Variants in TMEM132D observed in about 807,000 individuals in gnomAD.
TMEM132D encodes mature OL transmembrane protein.
TMEM132D carries 21 observed loss-of-function variants against 62.3 expected under a neutral mutation model. The ratio of observed to expected loss-of-function variants is 0.34; its 90% confidence interval spans 0.24 to 0.49. The LOEUF (loss-of-function observed/expected upper bound fraction) is 0.49. Ranked by LOEUF, TMEM132D falls within the 20% of genes least tolerant of loss-of-function variation. The pLI, the probability that TMEM132D is intolerant of heterozygous loss-of-function variation, is 0.99. For synonymous variants in TMEM132D, 621 were observed against 575.6 expected, an observed-to-expected ratio of 1.08 and a Z score of -1.13; for missense variants, 1,346 against 1,402.8, an observed-to-expected ratio of 0.96 and a Z score of 0.65.
chr12:129,343,324 G>C (rs1376956556), intron 3 of TMEM132D, among the ~76,000 whole-genome samples: 1 of 151,684 alleles, frequency 6.6e-6, no homozygotes, highest in Non-Finnish European at 1.5e-5. Context: ...ACTATCACAA[G>C]GACAGAAAAA....
chr12:129,305,575 T>TA lies in TMEM132D; in HGVS notation c.1299+32058dup, dbSNP rs1330197694. Among the ~76,000 whole-genome samples, 4 of 152,252 alleles carry TA rather than the reference T, an allele frequency of 2.6e-5. No individual in the cohort carries two copies. In the East Asian group the frequency reaches 7.7e-4, roughly 29 times the overall value. On this transcript the variant is annotated intron_variant, in intron 4 of 8. Transcript: ENST00000422113. The stretch of plus-strand genomic sequence containing the variant: ...AAGCCATCCAAATGTATGGTATACT[T>TA]AAAAAAATATATGCCCAGCAACAAA...
intron 3 of TMEM132D, among the ~76,000 whole-genome samples, chr12:129,398,834 TCATC>T (rs138005852): frequency 0.039 from 2,803 of 71,288 alleles, 37 homozygotes; most frequent in Middle Eastern, 0.09. Flanking sequence ...ATTTATGTAT[TCATC>T]CATCCATCCA....
chr12:129,296,529 T>C lies in TMEM132D; in HGVS notation c.1299+41105A>G, dbSNP rs1015391669. 5.1e-4 allele frequency among the ~76,000 whole-genome samples: 78 copies of C among 152,226 alleles called. 1 individual carries two copies. Among genetic ancestry groups the C allele is most frequent in the African/African-American group, 1.7e-3 (72 of 41,468 alleles). ...GATCAGCAGACAAGTGTCGGCAGCT[T>C]CTGAACCCTATTCCTGTTTCTTTCC... On this transcript the variant is annotated intron_variant, in intron 4 of 8. Transcript: ENST00000422113.
chr12:129,124,285 C>T (rs1190778015), intron 5 of TMEM132D, among the ~76,000 whole-genome samples: 1 of 152,156 alleles, frequency 6.6e-6, no homozygotes, highest in Non-Finnish European at 1.5e-5. Flanking sequence ...TCCAGGACCC[C>T]CAAGACTCAC....
chr12:129,774,718 A>C (rs1476328743), intron 1 of TMEM132D, among the ~76,000 whole-genome samples: 3 of 152,242 alleles, frequency 2.0e-5, no homozygotes, highest in African/African-American at 7.2e-5. Flanking sequence ...CACAGCTATG[A>C]GGCAGAATGC....
chr12:129,187,924 T>G (rs1255960403), intron 5 of TMEM132D, among the ~76,000 whole-genome samples: 1 of 152,252 alleles, frequency 6.6e-6, no homozygotes, highest in Admixed American at 6.5e-5. Flanking sequence ...ATATGTTTCT[T>G]TACACCAACT....
At chr12:129,121,782 A>G (rs906479608) in intron 5 of TMEM132D, among the ~76,000 whole-genome samples, 3 of 152,240 alleles carry the variant, frequency 2.0e-5, no homozygotes, top group African/African-American at 7.2e-5. Flanking sequence ...GTAAGCATCC[A>G]GGACACATTT....
chr12:129,422,745 G>T (rs1872365556), intron 3 of TMEM132D, among the ~76,000 whole-genome samples: 1 of 152,066 alleles, frequency 6.6e-6, no homozygotes, highest in South Asian at 2.1e-4. Context: ...TATTTATACT[G>T]ATAAAAATAT....
chr12:129,233,774 C>T (rs780758922), intron 4 of TMEM132D, among the ~76,000 whole-genome samples: 1 of 151,984 alleles, frequency 6.6e-6, no homozygotes, highest in Non-Finnish European at 1.5e-5. Flanking sequence ...CTACAGGCAC[C>T]TGCCACCACG....
chr12:129,186,487 A>G (rs1878226119), intron 5 of TMEM132D, among the ~76,000 whole-genome samples: 1 of 152,110 alleles, frequency 6.6e-6, no homozygotes, highest in Non-Finnish European at 1.5e-5. Flanking sequence ...CCTCTATACC[A>G]TTCTCCAGTT....
At chr12:129,663,946 G>GAA (rs5801874) in intron 2 of TMEM132D, among the ~76,000 whole-genome samples, 4 of 151,414 alleles carry the variant, frequency 2.6e-5, no homozygotes, top group Non-Finnish European at 4.4e-5. Flanking sequence ...CTCAAATTAG[G>GAA]AAAAACAAAA....
intron 4 of TMEM132D, among the ~76,000 whole-genome samples, chr12:129,329,662 C>T (rs1190784290): frequency 6.6e-6 from 1 of 152,166 alleles, no homozygotes; most frequent in Non-Finnish European, 1.5e-5. Flanking sequence ...CATCTCCTCG[C>T]AAATCCATGT....
chr12:129,464,785 T>C (rs1041413138), intron 3 of TMEM132D, among the ~76,000 whole-genome samples: 21 of 152,190 alleles, frequency 1.4e-4, no homozygotes, highest in African/African-American at 5.1e-4. Context: ...TAGTTGTAGA[T>C]ATGCGGCGTT....
chr12:129,212,430 T>A (rs1266193621), intron 4 of TMEM132D: 3 of 151,616 alleles, frequency 2.0e-5, no homozygotes, highest in Non-Finnish European at 4.4e-5. Flanking sequence ...AGGAGGTGAA[T>A]GGTACGGGGA....
chr12:129,084,102 G>C (rs1874536544), intron 6 of TMEM132D, among the ~76,000 whole-genome samples: 1 of 152,058 alleles, frequency 6.6e-6, no homozygotes, highest in Non-Finnish European at 1.5e-5. Context: ...CATTCGTTCA[G>C]CCTTGGTGCA....
intron 2 of TMEM132D, among the ~76,000 whole-genome samples, chr12:129,578,180 T>C (rs2137124330): frequency 6.6e-6 from 1 of 152,244 alleles, no homozygotes; most frequent in Non-Finnish European, 1.5e-5. Flanking sequence ...TCCTCGAGCC[T>C]TCGGTCTCAG....
At chr12:129,538,158 C>G (rs2170820) in intron 2 of TMEM132D, among the ~76,000 whole-genome samples, 101,183 of 152,146 alleles carry the variant, frequency 0.67, 34,179 homozygotes, top group East Asian at 0.93. Context: ...ATGAATGCCT[C>G]AATCAATGGA....
chr12:129,877,628 C>CAGAGAGAG (rs71085585), intron 1 of TMEM132D, among the ~76,000 whole-genome samples: 43 of 146,960 alleles, frequency 2.9e-4, no homozygotes, highest in African/African-American at 1.1e-3. Context: ...CACACACACA[C>CAGAGAGAG]AGAGAGAGAG....
At chr12:129,436,415 T>C (rs1872789088) in intron 3 of TMEM132D, among the ~76,000 whole-genome samples, 1 of 151,840 alleles carries the variant, frequency 6.6e-6, no homozygotes. Context: ...TACTCAGGAG[T>C]TTTTAAAACA....
Sources: gnomAD v4.1 joint callset for allele counts (sites outside exome capture counted in the v4.1 genomes callset) on GRCh38, gnomAD v4.1.1 for gene constraint, MANE v1.5 for transcripts, NCBI Gene and HGNC (gene_info 2026-07-23, HGNC 2026-07-21) for gene names.